PTPRD: variants seen among roughly 807,000 people sequenced by gnomAD.
PTPRD encodes the protein receptor-type tyrosine-protein phosphatase delta.
Under a neutral mutation model 214.5 loss-of-function variants are expected in PTPRD, and 34 were observed. That is an observed-to-expected ratio of 0.16 (90% confidence interval 0.12 to 0.21). The LOEUF (loss-of-function observed/expected upper bound fraction) is 0.21, where lower values mean the gene tolerates loss of function less well. Ranked by LOEUF, PTPRD falls within the 10% of genes least tolerant of loss-of-function variation. The pLI, the probability that PTPRD is intolerant of heterozygous loss-of-function variation, is 1.00. For missense variants in PTPRD, 2,545 were observed against 2,398.7 expected, an observed-to-expected ratio of 1.06 and a Z score of -1.27; for synonymous variants, 1,128 against 845.7, an observed-to-expected ratio of 1.33 and a Z score of -5.79.
chr9:8,724,636 C>T (rs1311608948), intron 12 of PTPRD, among the ~76,000 whole-genome samples: 1 of 152,082 alleles, frequency 6.6e-6, no homozygotes, highest in Non-Finnish European at 1.5e-5. Context: ...CTTACCCAGT[C>T]TCCACCACTT....
intron 9 of PTPRD, among the ~76,000 whole-genome samples, chr9:9,204,615 A>G (rs1440398781): frequency 2.0e-5 from 3 of 152,198 alleles, no homozygotes; most frequent in Non-Finnish European, 4.4e-5. Flanking sequence ...TTTACATTGC[A>G]TTTATGTAAG....
intron 7 of PTPRD, among the ~76,000 whole-genome samples, chr9:9,637,687 T>G (rs1021833355): frequency 2.6e-5 from 4 of 152,124 alleles, no homozygotes; most frequent in Non-Finnish European, 5.9e-5. Flanking sequence ...TGCTGGTGGC[T>G]CTATAGTTCT....
rs575948447 is a variant in PTPRD at position 10,357,213 on chromosome 9, T to C, written c.-599-16196A>G. Among the ~76,000 whole-genome samples the C allele has an allele frequency of 2.0e-5, 3 of 152,354 alleles. 1 individual carries two copies. The highest frequency in any genetic ancestry group is 4.1e-4 in the South Asian group (2 of 4,832). ...GATCATTTTATGTACTGAAGCACTG[T>C]ACACCAGGTATTTTTGAGAACACTG... On this transcript the variant is annotated intron_variant, in intron 2 of 45. Coordinates refer to ENST00000381196, the MANE Select transcript of PTPRD (RefSeq NM_002839.4).
chr9:9,720,635 C>A (rs1281427723), intron 7 of PTPRD, among the ~76,000 whole-genome samples: 2 of 152,150 alleles, frequency 1.3e-5, no homozygotes, highest in African/African-American at 4.8e-5. Context: ...AATCTGGCTT[C>A]ATTTGCTGCA....
At chr9:10,260,958 G>C (rs2093650670) in intron 3 of PTPRD, among the ~76,000 whole-genome samples, 1 of 148,426 alleles carries the variant, frequency 6.7e-6, no homozygotes, top group Admixed American at 6.8e-5. Context: ...ATACATGTGT[G>C]TGTGTATATA....
intron 11 of PTPRD, among the ~76,000 whole-genome samples, chr9:8,837,631 G>A (rs1448052603): frequency 1.3e-5 from 2 of 151,986 alleles, no homozygotes; most frequent in Non-Finnish European, 1.5e-5. Context: ...CAAGTAGCTG[G>A]TATTACAGGT....
At chr9:10,258,182 T>C (rs2093427286) in intron 3 of PTPRD, among the ~76,000 whole-genome samples, 1 of 152,160 alleles carries the variant, frequency 6.6e-6, no homozygotes, top group Non-Finnish European at 1.5e-5. Flanking sequence ...TGTAGTTGGG[T>C]TAAGAGAGTA....
chr9:9,826,573 A>C (rs2052932425), intron 5 of PTPRD, among the ~76,000 whole-genome samples: 1 of 151,996 alleles, frequency 6.6e-6, no homozygotes, highest in Admixed American at 6.6e-5. Flanking sequence ...TTGATTATAA[A>C]ATGATGGAAA....
At chr9:10,472,614 C>G (rs561630147) in intron 2 of PTPRD, among the ~76,000 whole-genome samples, 2 of 152,212 alleles carry the variant, frequency 1.3e-5, no homozygotes, top group Admixed American at 6.6e-5. Flanking sequence ...TGGGATAACT[C>G]TGCTATGTGT....
chr9:10,471,791 G>T (rs191158656), intron 2 of PTPRD, among the ~76,000 whole-genome samples: 8 of 152,042 alleles, frequency 5.3e-5, no homozygotes, highest in African/African-American at 1.9e-4. Context: ...AGAGATGTCA[G>T]AAAATATTTA....
chr9:9,853,512 T>A (rs939249404), intron 5 of PTPRD, among the ~76,000 whole-genome samples: 1 of 152,144 alleles, frequency 6.6e-6, no homozygotes, highest in East Asian at 1.9e-4. Context: ...TGCAACTGTG[T>A]ATTATTGTGT....
intron 14 of PTPRD, among the ~76,000 whole-genome samples, chr9:8,607,634 T>A (rs1293791058): frequency 1.3e-5 from 2 of 151,970 alleles, no homozygotes; most frequent in African/African-American, 4.8e-5. Context: ...CTGAGCGAGA[T>A]TCTGTCTCGG....
chr9:9,885,554 G>A (rs1185991918), intron 5 of PTPRD, among the ~76,000 whole-genome samples: 1 of 152,036 alleles, frequency 6.6e-6, no homozygotes, highest in African/African-American at 2.4e-5. Flanking sequence ...TAAGGATTTT[G>A]AGATGGGGGG....
intron 14 of PTPRD, among the ~76,000 whole-genome samples, chr9:8,567,302 T>C (rs2089614115): frequency 6.6e-6 from 1 of 152,178 alleles, no homozygotes; most frequent in Admixed American, 6.5e-5. Flanking sequence ...GTAATCCTGT[T>C]CCCTCCTCTC....
intron 12 of PTPRD, among the ~76,000 whole-genome samples, chr9:8,647,336 T>C (rs932873496): frequency 1.3e-5 from 2 of 152,250 alleles, no homozygotes; most frequent in Non-Finnish European, 2.9e-5. Context: ...GGAGATATTC[T>C]AATGGTGATC....
intron 4 of PTPRD, among the ~76,000 whole-genome samples, chr9:9,980,630 AAAAAC>A (rs1222471467): frequency 0.19 from 13,084 of 67,578 alleles, 4,344 homozygotes; most frequent in Non-Finnish European, 0.28. Flanking sequence ...AAAAAAAAAA[AAAAAC>A]AAAAAAAAAA....
At chr9:9,043,542 C>A (rs538063476) in intron 10 of PTPRD, among the ~76,000 whole-genome samples, 1 of 152,088 alleles carries the variant, frequency 6.6e-6, no homozygotes, top group Non-Finnish European at 1.5e-5. Context: ...GGAGAAGGTG[C>A]CACTCTATCT....
chr9:8,521,644 T>C lies in PTPRD; in HGVS notation c.692-98A>G. ...CACCGTACAGACACGATTCAACAAT[T>C]GAAACATTGTGGATTGTCCAAAAAC... On this transcript the variant is annotated intron_variant, in intron 19 of 45. Coordinates refer to ENST00000381196, the MANE Select transcript of PTPRD (RefSeq NM_002839.4). 5 of 1,351,676 alleles carry C rather than the reference T, an allele frequency of 3.7e-6. No homozygotes were observed. The East Asian group carries it at 9.4e-5, about 26-fold the overall frequency. 83.7% of individuals were successfully genotyped at this position (1,351,676 alleles called of 1,614,324 possible).
At chr9:8,999,415 C>T (rs899031618) in intron 11 of PTPRD, among the ~76,000 whole-genome samples, 3 of 152,038 alleles carry the variant, frequency 2.0e-5, no homozygotes, top group African/African-American at 7.2e-5. Context: ...GCTGAAGGCT[C>T]AGATGATTGT....
Sources: allele counts gnomAD v4.1 joint callset (sites outside exome capture counted in the v4.1 genomes callset), GRCh38; gene constraint gnomAD v4.1.1; transcripts MANE v1.5; gene names NCBI Gene and HGNC (gene_info 2026-07-23, HGNC 2026-07-21).